FUT8: variants seen among roughly 807,000 people sequenced by gnomAD.
FUT8 encodes the protein fucosyltransferase 8, also known as alpha-(1,6)-fucosyltransferase.
In FUT8, 29 loss-of-function variants were observed where a neutral mutation model predicts 71.3. That is an observed-to-expected ratio of 0.41 (90% confidence interval 0.30 to 0.55). FUT8 has a LOEUF of 0.55. Among genes scored for constraint, FUT8 ranks in the 20% least tolerant of loss-of-function variants. FUT8 has a pLI of 0.34. For synonymous variants in FUT8, 254 were observed against 239.3 expected, an observed-to-expected ratio of 1.06 and a Z score of -0.57; for missense variants, 544 against 702.1, an observed-to-expected ratio of 0.77 and a Z score of 2.55.
intron 7 of FUT8, among the ~76,000 whole-genome samples, chr14:65,679,574 A>G (rs7151690): frequency 0.083 from 12,667 of 152,208 alleles, 839 homozygotes; most frequent in African/African-American, 0.18. Context: ...CTGTATCATG[A>G]TTTATATATT....
At chr14:65,458,613 C>T in intron 2 of FUT8, among the ~76,000 whole-genome samples, 1 of 152,168 alleles carries the variant, frequency 6.6e-6, no homozygotes, top group East Asian at 1.9e-4. Flanking sequence ...ACTCTAGCTT[C>T]TAAGCCTGGA....
intron 7 of FUT8, among the ~76,000 whole-genome samples, chr14:65,699,952 A>G (rs1038624587): frequency 6.6e-6 from 1 of 152,132 alleles, no homozygotes; most frequent in African/African-American, 2.4e-5. Context: ...GGCATAAGTA[A>G]TATTCTGTTT....
chr14:65,611,941 G>C (rs987109339), intron 3 of FUT8, among the ~76,000 whole-genome samples: 2 of 152,182 alleles, frequency 1.3e-5, no homozygotes, highest in East Asian at 3.8e-4. Context: ...GATTACAGGC[G>C]TGAGCCACCG....
intron 3 of FUT8, among the ~76,000 whole-genome samples, chr14:65,562,296 A>G (rs971049607): frequency 2.0e-5 from 3 of 152,186 alleles, no homozygotes; most frequent in African/African-American, 7.2e-5. Context: ...TAAAAATTTT[A>G]TATGAACTGT....
chr14:65,534,578 A>G (rs1031286596), intron 2 of FUT8, among the ~76,000 whole-genome samples: 9 of 105,616 alleles, frequency 8.5e-5, no homozygotes, highest in Non-Finnish European at 1.6e-4. Flanking sequence ...TTGGTAGGCT[A>G]TTTATTACTG....
chr14:65,610,609 G>A (rs1024977822), intron 3 of FUT8, among the ~76,000 whole-genome samples: 1 of 151,648 alleles, frequency 6.6e-6, no homozygotes, highest in Non-Finnish European at 1.5e-5. Context: ...GGTTGGTCTC[G>A]AACTCCCAAC....
intron 1 of FUT8, among the ~76,000 whole-genome samples, chr14:65,421,967 C>G (rs2065304477): frequency 2.0e-5 from 3 of 152,060 alleles, no homozygotes; most frequent in Admixed American, 1.3e-4. Flanking sequence ...TATTGGCATT[C>G]TCTTTCATAG....
At chr14:65,398,119 T>C in the FUT8 span, among the ~76,000 whole-genome samples, 2 of 152,214 alleles carry the variant, frequency 1.3e-5, no homozygotes, top group African/African-American at 4.8e-5. Context: ...ACTGTACATA[T>C]GGAAAATTGA....
chr14:65,520,365 T>C (rs892824250), intron 2 of FUT8, among the ~76,000 whole-genome samples: 1 of 152,116 alleles, frequency 6.6e-6, no homozygotes, highest in South Asian at 2.1e-4. Flanking sequence ...CATTTTTGCT[T>C]ATTATGACTT....
chr14:65,739,599 A>G (rs573931603), intron 10 of FUT8, among the ~76,000 whole-genome samples: 1 of 152,014 alleles, frequency 6.6e-6, no homozygotes, highest in Non-Finnish European at 1.5e-5. Context: ...TCATCCTAAG[A>G]GTAACACAAG....
At chr14:65,692,956 G>A (rs1224967919) in intron 7 of FUT8, among the ~76,000 whole-genome samples, 4 of 151,786 alleles carry the variant, frequency 2.6e-5, no homozygotes, top group South Asian at 2.1e-4. Context: ...GATGGTGGCC[G>A]GGAAGAGGCG....
intron 2 of FUT8, among the ~76,000 whole-genome samples, chr14:65,469,059 A>C (rs908073874): frequency 1.3e-5 from 2 of 152,150 alleles, no homozygotes; most frequent in African/African-American, 4.8e-5. Flanking sequence ...ATGCACCTGT[A>C]GTCCTACCTG....
chr14:65,423,363 G>T (rs997140932), intron 1 of FUT8, among the ~76,000 whole-genome samples: 7 of 150,798 alleles, frequency 4.6e-5, no homozygotes, highest in African/African-American at 1.7e-4. Flanking sequence ...CCAGGTTCAC[G>T]CCATTCTCCT....
intron 3 of FUT8, among the ~76,000 whole-genome samples, chr14:65,594,103 A>G (rs1887833321): frequency 6.6e-6 from 1 of 152,226 alleles, no homozygotes; most frequent in South Asian, 2.1e-4. Flanking sequence ...TGAAAAACTG[A>G]TGCAGGATAT....
rs1890977085 is a variant in FUT8 at position 65,643,712 on chromosome 14, A to ACACACC, written c.597+14109_597+14110insACCCAC. Among the ~76,000 whole-genome samples, 2 of 142,288 alleles carry ACACACC rather than the reference A, an allele frequency of 1.4e-5. No individual in the cohort carries two copies. The highest frequency in any genetic ancestry group is 7.2e-5 in the Admixed American group (1 of 13,944). The allele number at this position is 142,288 out of a possible 152,430, so 93.3% of individuals were successfully genotyped here. A position where few individuals can be genotyped will look rare whatever the true frequency, so the allele number is the denominator to read the frequency against. On this transcript the variant is annotated intron_variant, in intron 6 of 10. Coordinates refer to ENST00000673929, the MANE Select transcript of FUT8 (RefSeq NM_001371533.1). This position sits in a 1 kb window ranked among gnomAD's most constrained non-coding sequence, Gnocchi z 4.5. ...CACACACACACACACACACACACAC[A>ACACACC]CACCAGATTCCATTCTAGATGCTAT...
chr14:65,736,805 T>G (rs778655172), intron 10 of FUT8, among the ~76,000 whole-genome samples: 77 of 152,112 alleles, frequency 5.1e-4, no homozygotes, highest in Non-Finnish European at 9.3e-4. Flanking sequence ...TCAACTTTCT[T>G]AGATGATAAT....
Position 65,438,601 on chromosome 14 carries a change from T to A in FUT8, c.-325-17020T>A, listed in dbSNP as rs892245409. Among the ~76,000 whole-genome samples the A allele has an allele frequency of 7.2e-4, 109 of 152,224 alleles. 1 individual carries two copies. In the Middle Eastern group the frequency reaches 0.01, roughly 14 times the overall value. On this transcript the variant is annotated intron_variant, in intron 1 of 10. Coordinates refer to ENST00000673929, the MANE Select transcript of FUT8 (RefSeq NM_001371533.1). ...ATGTCATGGTAGAGCAGCTCTGGAG[T>A]ATTATCAGATTATTTTATGTGAGAG...
At chr14:65,640,361 C>T (rs556665118) in intron 6 of FUT8, among the ~76,000 whole-genome samples, 1 of 151,912 alleles carries the variant, frequency 6.6e-6, no homozygotes, top group African/African-American at 2.4e-5. Flanking sequence ...TAAATTATTA[C>T]TTAGTTGAAT....
chr14:65,677,114 T>TTTTG (rs561803042), intron 7 of FUT8, among the ~76,000 whole-genome samples: 1 of 110,216 alleles, frequency 9.1e-6, no homozygotes, highest in Non-Finnish European at 1.8e-5. Flanking sequence ...AAAGACATAT[T>TTTTG]TGTGTGTGTG....
Sources: gnomAD v4.1 joint callset for allele counts (sites outside exome capture counted in the v4.1 genomes callset) on GRCh38, gnomAD v4.1.1 for gene constraint, Gnocchi (gnomAD v3.1) non-coding constraint, MANE v1.5 for transcripts, NCBI Gene and HGNC (gene_info 2026-07-23, HGNC 2026-07-21) for gene names.